Variants in CFAP221 observed in about 807,000 individuals in gnomAD.
CFAP221 encodes the protein cilia and flagella associated protein 221.
CFAP221 carries 97 observed loss-of-function variants against 113.1 expected under a neutral mutation model. The observed-to-expected ratio is 0.86, with a 90% CI of 0.73 to 1.02. CFAP221 has a LOEUF of 1.02. CFAP221 is among the 50% of genes least tolerant of loss of function. The pLI is 0.00. For missense variants in CFAP221, 1,025 were observed against 1,013.4 expected (o/e 1.01, Z -0.16); for synonymous variants, 331 against 354.4 (o/e 0.93, Z 0.74).
intron 21 of CFAP221, among the ~76,000 whole-genome samples, chr2:119,641,869 T>A (rs1198041038): frequency 1.3e-5 from 2 of 152,152 alleles, no homozygotes; most frequent in Non-Finnish European, 2.9e-5. Flanking sequence ...GTCAGCACAC[T>A]GAATAAGAAA....
intron 12 of CFAP221, among the ~76,000 whole-genome samples, chr2:119,609,767 T>G (rs1010548069): frequency 6.6e-6 from 1 of 152,236 alleles, no homozygotes; most frequent in Non-Finnish European, 1.5e-5. Flanking sequence ...GAGGTTCAGG[T>G]AGACTGACTT....
intron 4 of CFAP221, 46 bp downstream of exon 4, chr2:119,559,821 C>A: frequency 6.7e-7 from 1 of 1,482,390 alleles, no homozygotes; most frequent in Middle Eastern, 1.7e-4. Context: ...TGGTTGTCTG[C>A]GTCTCAGGCC....
chr2:119,558,268 C>CT (rs1287443185), intron 3 of CFAP221, among the ~76,000 whole-genome samples: 3 of 152,168 alleles, frequency 2.0e-5, no homozygotes, highest in Non-Finnish European at 2.9e-5. Flanking sequence ...TCCCAGGACT[C>CT]TGAGTGTGAT....
At position 119,651,992 on chromosome 2, in the gene CFAP221, T is replaced by A. The variant is rs1179038922; in HGVS notation, c.2337T>A (p.Asn779Lys). 2 of 1,612,900 alleles carry A rather than the reference T, an allele frequency of 1.2e-6. No homozygotes were observed. Among genetic ancestry groups the A allele is most frequent in the Non-Finnish European group, 1.7e-6 (2 of 1,179,486 alleles). ...TTTGCAGTGAGCTCTGTGAGCAGAA[T>A]GTAGAAGTTATGTTGACTCCAGAAA... ...ETVERELCEQ[N>K]VEVMLTPEMI... Residue 779 changes from asparagine to lysine, a missense_variant, in exon 23 of 24, where the codon AAT becomes AAA. Transcript: ENST00000413369.
chr2:119,628,474 G>A (rs755030211), intron 16 of CFAP221, among the ~76,000 whole-genome samples: 36 of 152,216 alleles, frequency 2.4e-4, no homozygotes, highest in African/African-American at 8.7e-4. Context: ...AGTCCTTCCG[G>A]TTCATCTCAT....
Position 119,584,384 on chromosome 2 carries a change from C to T in CFAP221, c.528-2735C>T, listed in dbSNP as rs189749590. Among the ~76,000 whole-genome samples, 253 of 152,112 alleles carry T rather than the reference C, an allele frequency of 1.7e-3. 1 individual carries two copies. Among genetic ancestry groups the T allele is most frequent in the African/African-American group, 5.6e-3 (233 of 41,484 alleles). On this transcript the variant is annotated intron_variant, in intron 6 of 23. Coordinates refer to ENST00000413369, the MANE Select transcript of CFAP221 (RefSeq NM_001271049.2). ...AGAGGATCACTTGAGCCCAGGAGTTCGAGACAAGCCTGGGCAACATAGTGG... is the reference window on the plus strand; with the variant it reads ...AGAGGATCACTTGAGCCCAGGAGTTTGAGACAAGCCTGGGCAACATAGTGG...
In CFAP221 at chr2:119,640,931, C is replaced by G. The variant is rs1457425344; in HGVS notation, c.2225+1059C>G. On this transcript the variant is annotated intron_variant, in intron 21 of 23. Transcript: ENST00000413369. ...TAAGACAAGGGGATTGGACTTGTTGCAAAGGCCATTCTCAGCGTTGATGTT... is the reference window on the plus strand; with the variant it reads ...TAAGACAAGGGGATTGGACTTGTTGGAAAGGCCATTCTCAGCGTTGATGTT... Among the ~76,000 whole-genome samples the G allele has an allele frequency of 2.0e-5, 3 of 152,168 alleles. No individual in the cohort carries two copies. In the East Asian group the frequency reaches 5.8e-4, roughly 29 times the overall value.
chr2:119,594,451 G>T (rs1253175697), intron 7 of CFAP221, among the ~76,000 whole-genome samples: 1 of 152,088 alleles, frequency 6.6e-6, no homozygotes, highest in Admixed American at 6.5e-5. Flanking sequence ...TCACCATATT[G>T]TTCAGGCTGG....
intron 6 of CFAP221, among the ~76,000 whole-genome samples, chr2:119,585,013 T>G (rs72963193): frequency 0.13 from 19,394 of 152,160 alleles, 1,261 homozygotes; most frequent in Middle Eastern, 0.17. Flanking sequence ...ATTGCAATAG[T>G]GAAAAAATGC....
chr2:119,574,927 T>C (rs1374796528), intron 6 of CFAP221, among the ~76,000 whole-genome samples: 2 of 152,238 alleles, frequency 1.3e-5, no homozygotes, highest in Non-Finnish European at 2.9e-5. Context: ...TTAAGTTGCT[T>C]TGTTTTTTAA....
chr2:119,629,744 A>G (rs1686633597), intron 16 of CFAP221, 131 bp from the exon 17 acceptor site: 3 of 652,592 alleles, frequency 4.6e-6, no homozygotes, highest in African/African-American at 1.8e-5. Context: ...TCAAGTGGCA[A>G]CTGTGGTTGC....
At chr2:119,653,621 C>T (rs1288696156) in intron 23 of CFAP221, among the ~76,000 whole-genome samples, 2 of 152,146 alleles carry the variant, frequency 1.3e-5, no homozygotes, top group East Asian at 3.8e-4. Context: ...CTGCAACAAA[C>T]ATCCTTGTGC....
chr2:119,657,775 T>C (rs1344984933), downstream of CFAP221, among the ~76,000 whole-genome samples: 3 of 152,246 alleles, frequency 2.0e-5, no homozygotes, highest in Non-Finnish European at 4.4e-5. Context: ...TTGACACCTT[T>C]GACAGTTGTT....
intron 14 of CFAP221, among the ~76,000 whole-genome samples, chr2:119,617,585 G>A (rs1685616144): frequency 6.6e-6 from 1 of 152,218 alleles, no homozygotes; most frequent in Admixed American, 6.5e-5. Context: ...GGCTCAGACA[G>A]TTCCAAAGCA....
intron 14 of CFAP221, among the ~76,000 whole-genome samples, chr2:119,620,037 G>T (rs1685794471): frequency 2.0e-5 from 3 of 152,062 alleles, no homozygotes; most frequent in African/African-American, 7.2e-5. Flanking sequence ...GACAAGATTA[G>T]AGAAAAAAGA....
At chr2:119,633,323 C>G (rs1686910845) in intron 19 of CFAP221, among the ~76,000 whole-genome samples, 1 of 134,258 alleles carries the variant, frequency 7.4e-6, no homozygotes, top group Admixed American at 8.0e-5. Flanking sequence ...TTAGATAAAA[C>G]ACCAAAAAAC....
Position 119,549,203 on chromosome 2 carries a change from G to A in CFAP221, c.240+18G>A. 6.8e-7 allele frequency: 1 copy of A among 1,469,130 alleles called. No individual in the cohort carries two copies. The highest frequency in any genetic ancestry group is 9.1e-7 in the Non-Finnish European group (1 of 1,095,952). The allele number at this position is 1,469,130 out of a possible 1,614,324, so 91.0% of individuals were successfully genotyped here. On this transcript the variant is annotated intron_variant, in intron 3 of 23. Transcript: ENST00000413369. ...AGATTCTGGTAGGTACTTTTTAAAT[G>A]GGATAATTAATCATCATAATGAAGT...
chr2:119,549,547 A>C (rs1558903036), intron 3 of CFAP221, among the ~76,000 whole-genome samples: 1 of 152,240 alleles, frequency 6.6e-6, no homozygotes, highest in Non-Finnish European at 1.5e-5. Context: ...CAGAGACTCC[A>C]AAAGATTAAA....
chr2:119,585,680 C>T (rs191536947), intron 6 of CFAP221, among the ~76,000 whole-genome samples: 142 of 152,136 alleles, frequency 9.3e-4, no homozygotes, highest in Admixed American at 8.2e-3. Context: ...ATGTTTTGGG[C>T]ATAATTTTAA....
Sources: gnomAD v4.1 joint callset for allele counts (sites outside exome capture counted in the v4.1 genomes callset) on GRCh38, gnomAD v4.1.1 for gene constraint, MANE v1.5 for transcripts, NCBI Gene and HGNC (gene_info 2026-07-23, HGNC 2026-07-21) for gene names.